The following HECTD2 variants were observed in gnomAD, a reference collection of about 807,000 sequenced individuals.
HECTD2 encodes the protein HECT domain E3 ubiquitin protein ligase 2, also known as probable E3 ubiquitin-protein ligase HECTD2.
In HECTD2, 35 loss-of-function variants were observed where a neutral mutation model predicts 103.2. The ratio of observed to expected loss-of-function variants is 0.34; its 90% confidence interval spans 0.26 to 0.45. The LOEUF is 0.45. HECTD2 is among the 20% of genes least tolerant of loss of function. The pLI, the probability that HECTD2 is intolerant of heterozygous loss-of-function variation, is 1.00. For missense variants in HECTD2, 596 were observed against 937.4 expected (o/e 0.64, Z 4.76); for synonymous variants, 281 against 329.9 (o/e 0.85, Z 1.61).
chr10:91,481,013 G>T, intron 6 of HECTD2, 81 bp from the exon 7 acceptor site: 1 of 843,976 alleles, frequency 1.2e-6, no homozygotes, highest in South Asian at 1.7e-5. Flanking sequence ...AGTCTTCATA[G>T]AAAAGTTTAT....
At chr10:91,510,109 G>A (rs1033526346) in intron 20 of HECTD2, among the ~76,000 whole-genome samples, 5 of 152,230 alleles carry the variant, frequency 3.3e-5, no homozygotes, top group African/African-American at 1.2e-4. Context: ...TCATAGATAG[G>A]ACCAGATGCC....
At chr10:91,415,350 A>G (rs1235931688) in intron 1 of HECTD2, among the ~76,000 whole-genome samples, 1 of 152,104 alleles carries the variant, frequency 6.6e-6, no homozygotes, top group Non-Finnish European at 1.5e-5. Context: ...TGCTATGGTG[A>G]TGATGTTTAA....
At chr10:91,441,823 C>T (rs1445835947) in intron 2 of HECTD2, among the ~76,000 whole-genome samples, 42 of 121,214 alleles carry the variant, frequency 3.5e-4, no homozygotes, top group Admixed American at 5.8e-4. Flanking sequence ...TAATGCCCTT[C>T]GTCTTTTTGG....
At chr10:91,492,774 A>G (rs1221163005) in intron 13 of HECTD2, among the ~76,000 whole-genome samples, 2 of 152,152 alleles carry the variant, frequency 1.3e-5, no homozygotes, top group Non-Finnish European at 2.9e-5. Context: ...ATGAAAATTT[A>G]ATTTGTCATT....
chr10:91,416,568 T>C (rs532281573), intron 1 of HECTD2, among the ~76,000 whole-genome samples: 1 of 138,790 alleles, frequency 7.2e-6, no homozygotes, highest in East Asian at 1.9e-4. Flanking sequence ...ACTATCTAGA[T>C]TTGTATAAGT....
upstream of HECTD2, among the ~76,000 whole-genome samples, chr10:91,410,121 G>A (rs991036591): frequency 2.0e-5 from 3 of 151,792 alleles, no homozygotes; most frequent in Non-Finnish European, 4.4e-5. Flanking sequence ...CCTTCTCTCC[G>A]GGCCCTCGGG....
chr10:91,450,279 A>G (rs1844748828), intron 2 of HECTD2, among the ~76,000 whole-genome samples: 1 of 152,216 alleles, frequency 6.6e-6, no homozygotes, highest in Non-Finnish European at 1.5e-5. Flanking sequence ...TGGGGAAAGG[A>G]TTCCCTATTT....
intron 2 of HECTD2, among the ~76,000 whole-genome samples, chr10:91,455,205 A>G (rs1845029124): frequency 1.3e-5 from 2 of 152,090 alleles, no homozygotes; most frequent in African/African-American, 4.8e-5. Flanking sequence ...AAGTGTTCCT[A>G]TTTCTCTACA....
At chr10:91,477,202 A>AC (rs57937605) in intron 5 of HECTD2, among the ~76,000 whole-genome samples, 1 of 151,806 alleles carries the variant, frequency 6.6e-6, no homozygotes, top group African/African-American at 2.4e-5. Context: ...AAAAAAAAAA[A>AC]CCCCTGCGGG....
chr10:91,458,115 A>C (rs1277970472), intron 2 of HECTD2, among the ~76,000 whole-genome samples: 2 of 151,862 alleles, frequency 1.3e-5, no homozygotes, highest in Non-Finnish European at 2.9e-5. Flanking sequence ...CGATAAACAT[A>C]CAAAAATCAG....
At chr10:91,413,917 G>A (rs1843019021) in intron 1 of HECTD2, among the ~76,000 whole-genome samples, 1 of 152,154 alleles carries the variant, frequency 6.6e-6, no homozygotes, top group Non-Finnish European at 1.5e-5. Context: ...ACAGAATAAA[G>A]AATTTGAAGT....
intron 5 of HECTD2, among the ~76,000 whole-genome samples, chr10:91,469,725 A>G (rs2133233739): frequency 6.6e-6 from 1 of 152,264 alleles, no homozygotes; most frequent in Non-Finnish European, 1.5e-5. Flanking sequence ...GCTTAACAAC[A>G]TGATGACAGG....
At position 91,501,288 on chromosome 10, in the gene HECTD2, G is replaced by A; in HGVS notation, c.2164G>A (p.Ala722Thr). The A allele has an allele frequency of 6.2e-7, 1 of 1,602,802 alleles. No homozygotes were observed. Among genetic ancestry groups the A allele is most frequent in the Non-Finnish European group, 8.5e-7 (1 of 1,174,598 alleles). Reference protein sequence around the residue: ...GSDRVPVGGMADLNFKISKNE... With the variant: ...GSDRVPVGGMTDLNFKISKNE... ...TGACAGAGTACCTGTAGGAGGGATG[G>A]CTGATTTGAACTTTAAAATCTCAAA... The change falls in exon 20 of 21, where the codon GCT becomes ACT. Residue 722 changes from alanine to threonine, a missense_variant. This residue lies in a region of HECTD2 where 69 missense variants were observed against 153.8 expected (regional missense o/e 0.45). Coordinates refer to ENST00000298068, the MANE Select transcript of HECTD2 (RefSeq NM_182765.6).
intron 2 of HECTD2, among the ~76,000 whole-genome samples, chr10:91,438,041 G>C (rs534294178): frequency 6.6e-6 from 1 of 151,754 alleles, no homozygotes; most frequent in Non-Finnish European, 1.5e-5. Flanking sequence ...CCCTCAGGTA[G>C]ACCTTGAAGT....
chr10:91,489,166 T>C (rs1846372490), intron 11 of HECTD2: 2 of 152,212 alleles, frequency 1.3e-5, no homozygotes, highest in South Asian at 4.1e-4. Flanking sequence ...ATTTTTCTTC[T>C]ACTTTAAAGA....
intron 2 of HECTD2, among the ~76,000 whole-genome samples, chr10:91,450,177 A>G (rs1844742016): frequency 6.6e-6 from 1 of 152,168 alleles, no homozygotes; most frequent in Non-Finnish European, 1.5e-5. Flanking sequence ...CAAAACAGAT[A>G]TATAAACCAA....
intron 10 of HECTD2, 61 bp downstream of exon 10, chr10:91,485,364 A>G (rs184177361): frequency 2.6e-5 from 34 of 1,304,074 alleles, no homozygotes; most frequent in African/African-American, 6.1e-5. Context: ...AAGAATGACT[A>G]GAGTTTAAGT....
chr10:91,461,193 A>G (rs1316757074), intron 3 of HECTD2, 61 bp from the exon 4 acceptor site: 11 of 723,360 alleles, frequency 1.5e-5, no homozygotes, highest in Non-Finnish European at 2.3e-5. Flanking sequence ...TTAAAAAGTA[A>G]TACTAGTTTA....
chr10:91,410,634 C>G (rs1343299880), intron 1 of HECTD2, 58 bp downstream of exon 1: 8 of 1,310,756 alleles, frequency 6.1e-6, no homozygotes, highest in African/African-American at 1.5e-5. Flanking sequence ...GGAGGGACGG[C>G]GGCCGGGCGA....
Sources: gnomAD v4.1 joint callset for allele counts (sites outside exome capture counted in the v4.1 genomes callset) on GRCh38, gnomAD v4.1.1 for gene constraint, gnomAD v4.1.1 regional missense constraint, MANE v1.5 for transcripts, NCBI Gene and HGNC (gene_info 2026-07-23, HGNC 2026-07-21) for gene names.